The following DOCK2 variants were observed in gnomAD, a reference collection of about 807,000 sequenced individuals.
The protein encoded by DOCK2 is dedicator of cytokinesis protein 2.
DOCK2 carries 87 observed loss-of-function variants against 248.9 expected under a neutral mutation model. The observed-to-expected ratio is 0.35, with a 90% CI of 0.29 to 0.42. DOCK2 has a LOEUF of 0.42. Ranked by LOEUF, DOCK2 falls within the 10% of genes least tolerant of loss-of-function variation. The probability of loss-of-function intolerance (pLI) is 1.00; values close to 1 mark genes in which losing one functional copy is unlikely to be tolerated. For synonymous variants in DOCK2, 805 were observed against 821.6 expected (o/e 0.98, Z 0.35); for missense variants, 1,747 against 2,300.2 (o/e 0.76, Z 4.92).
At chr5:170,075,644 A>G (rs12518125) in intron 46 of DOCK2, 109,824 of 289,804 alleles carry the variant, frequency 0.38, 21,919 homozygotes, top group East Asian at 0.65. Context: ...TCTGCCCCCA[A>G]GTAGATTCTT....
At chr5:169,837,905 A>T (rs1452180171) in intron 26 of DOCK2, among the ~76,000 whole-genome samples, 1 of 152,148 alleles carries the variant, frequency 6.6e-6, no homozygotes, top group East Asian at 1.9e-4. Context: ...TGGAACAAGA[A>T]GAAATGGCTA....
At chr5:169,782,804 G>A (rs1379298177) in intron 25 of DOCK2, among the ~76,000 whole-genome samples, 4 of 152,096 alleles carry the variant, frequency 2.6e-5, no homozygotes, top group African/African-American at 7.2e-5. Flanking sequence ...TTTAGTCTAC[G>A]TCTTCACCTT....
Position 169,730,101 on chromosome 5 carries a change from C to A in DOCK2, c.2267+11310C>A, listed in dbSNP as rs4867571. ...CCTCCCGAGTAGCTGGGACTACAGG[C>A]ATGCACCACCACACCCAGCTAATTT... is the stretch of plus-strand genomic sequence containing the variant. On this transcript the variant is annotated intron_variant, in intron 22 of 51. Coordinates refer to ENST00000520908, the MANE Select transcript of DOCK2 (RefSeq NM_004946.3). 3.3e-3 allele frequency among the ~76,000 whole-genome samples: 502 copies of A among 152,224 alleles called. 27 individuals carry two copies. The East Asian group carries it at 0.08, about 24-fold the overall frequency.
intron 42 of DOCK2, 131 bp downstream of exon 42, chr5:170,055,517 T>G (rs1442042650): frequency 1.3e-6 from 1 of 789,798 alleles, no homozygotes; most frequent in African/African-American, 1.7e-5. Context: ...TTTTCCCCCC[T>G]TTTCCTCTTG....
chr5:170,081,814 T>G (rs1758042954), intron 50 of DOCK2, 28 bp from the exon 51 acceptor site: 2 of 1,581,254 alleles, frequency 1.3e-6, no homozygotes, highest in African/African-American at 1.4e-5. Flanking sequence ...ACCCACCCAT[T>G]CACACCCCAG....
At chr5:170,079,855 A>G (rs1247890711) in intron 49 of DOCK2, 3 of 244,414 alleles carry the variant, frequency 1.2e-5, no homozygotes, top group South Asian at 1.2e-4. Context: ...TGGGCCTCGC[A>G]GGCTACTCTT....
At chr5:169,807,625 G>A (rs1767463252) in intron 26 of DOCK2, among the ~76,000 whole-genome samples, 1 of 151,992 alleles carries the variant, frequency 6.6e-6, no homozygotes, top group East Asian at 1.9e-4. Context: ...GAGGTCAGGA[G>A]ATCGAGACCA....
intron 27 of DOCK2, among the ~76,000 whole-genome samples, chr5:169,925,654 GT>G (rs1180715663): frequency 6.8e-6 from 1 of 148,132 alleles, no homozygotes; most frequent in Non-Finnish European, 1.5e-5. Context: ...GATTGGTTGT[GT>G]GACCTGTGGG....
At chr5:170,036,804 C>T (rs901036826) in intron 36 of DOCK2, among the ~76,000 whole-genome samples, 1 of 152,158 alleles carries the variant, frequency 6.6e-6, no homozygotes, top group South Asian at 2.1e-4. Context: ...ATCATATTTT[C>T]CTTAAGAGTG....
chr5:169,807,944 C>T (rs1767496608), intron 26 of DOCK2, among the ~76,000 whole-genome samples: 1 of 151,314 alleles, frequency 6.6e-6, no homozygotes, highest in South Asian at 2.1e-4. Context: ...AATTCATCTT[C>T]ATGGGATAGA....
At chr5:169,864,591 G>T in intron 27 of DOCK2, 1 of 713,996 alleles carries the variant, frequency 1.4e-6, no homozygotes, top group Non-Finnish European at 2.2e-6. Flanking sequence ...GGTACCTACT[G>T]GCTCTTTGAC....
intron 11 of DOCK2, among the ~76,000 whole-genome samples, chr5:169,698,941 C>T (rs560003955): frequency 1.6e-4 from 25 of 152,232 alleles, no homozygotes; most frequent in African/African-American, 6.0e-4. Context: ...GGTCAATGTC[C>T]TCTCCTCTCC....
chr5:169,993,720 A>G (rs901854917), intron 29 of DOCK2, among the ~76,000 whole-genome samples: 11 of 152,196 alleles, frequency 7.2e-5, no homozygotes, highest in African/African-American at 2.7e-4. Context: ...GACCACCCAA[A>G]ATCCACTGGC....
chr5:169,884,916 G>A (rs1193945068), intron 27 of DOCK2: 2 of 152,144 alleles, frequency 1.3e-5, no homozygotes, highest in Non-Finnish European at 2.9e-5. Flanking sequence ...TTTGAGTGGA[G>A]GGTCTAGGAA....
intron 22 of DOCK2, among the ~76,000 whole-genome samples, chr5:169,723,694 T>A (rs1057505330): frequency 6.6e-6 from 1 of 152,152 alleles, no homozygotes; most frequent in Admixed American, 6.5e-5. Context: ...CATTTTTATA[T>A]CTTTGCTCAA....
chr5:169,727,998 C>T (rs539901288), intron 22 of DOCK2, among the ~76,000 whole-genome samples: 2 of 152,214 alleles, frequency 1.3e-5, no homozygotes, highest in Admixed American at 6.5e-5. Context: ...CAGGCAAGAG[C>T]TCTTGAACTA....
intron 29 of DOCK2, among the ~76,000 whole-genome samples, chr5:169,993,549 T>TGTG (rs1778261425): frequency 2.7e-5 from 4 of 149,376 alleles, no homozygotes; most frequent in Admixed American, 2.7e-4. Context: ...TCACATCCAT[T>TGTG]TGTGTGTGTG....
At chr5:169,934,938 AAGTG>A (rs1249575841) in intron 27 of DOCK2, 7 of 328,092 alleles carry the variant, frequency 2.1e-5, no homozygotes, top group African/African-American at 1.5e-4. Context: ...GTAGTATAGA[AAGTG>A]ATTGTGCTAT....
chr5:169,964,059 G>A (rs1241263239), intron 27 of DOCK2, among the ~76,000 whole-genome samples: 1 of 152,124 alleles, frequency 6.6e-6, no homozygotes, highest in Non-Finnish European at 1.5e-5. Context: ...TTAAAGAAAG[G>A]TTGAGGTACA....
Sources: gnomAD v4.1 joint callset for allele counts (sites outside exome capture counted in the v4.1 genomes callset) on GRCh38, gnomAD v4.1.1 for gene constraint, MANE v1.5 for transcripts, NCBI Gene and HGNC (gene_info 2026-07-23, HGNC 2026-07-21) for gene names.